KSR1: variants seen among roughly 807,000 people sequenced by gnomAD.
KSR1 encodes kinase suppressor of ras 1, also known as kinase suppressor of ras.
A neutral mutation model predicts 92.9 loss-of-function variants in KSR1; 35 were observed. The ratio of observed to expected loss-of-function variants is 0.38; its 90% CI spans 0.29 to 0.50. KSR1 has a LOEUF of 0.50. Ranked by LOEUF, KSR1 falls within the 20% of genes least tolerant of loss-of-function variation. The pLI, the probability that KSR1 is intolerant of heterozygous loss-of-function variation, is 0.94. For synonymous variants in KSR1, 467 were observed against 472.6 expected, an observed-to-expected ratio of 0.99 and a Z score of 0.15; for missense variants, 972 against 1,158.5, an observed-to-expected ratio of 0.84 and a Z score of 2.34.
intron 16 of KSR1, chr17:27,609,824 T>A: frequency 7.0e-6 from 3 of 429,610 alleles, no homozygotes; most frequent in African/African-American, 2.0e-5. Context: ...CACCAGCAGC[T>A]CCCTGTCAAT....
intron 1 of KSR1, among the ~76,000 whole-genome samples, chr17:27,483,122 A>G (rs551300233): frequency 6.6e-6 from 1 of 151,006 alleles, no homozygotes; most frequent in Non-Finnish European, 1.5e-5. Flanking sequence ...AAAAAAATAG[A>G]TTTTTTTTTT....
At chr17:27,545,692 G>A (rs1052881222) in intron 1 of KSR1, among the ~76,000 whole-genome samples, 3 of 152,236 alleles carry the variant, frequency 2.0e-5, no homozygotes, top group African/African-American at 7.2e-5. Context: ...TGGGCAGGGG[G>A]CTGGAGGGCT....
intron 3 of KSR1, among the ~76,000 whole-genome samples, 168 bp from the exon 4 acceptor site, chr17:27,582,478 G>A (rs770616306): frequency 1.3e-5 from 2 of 152,132 alleles, no homozygotes; most frequent in Non-Finnish European, 2.9e-5. Context: ...TAATGTGTGC[G>A]CATGAGTGAG....
chr17:27,608,341 C>T (rs35685245), intron 15 of KSR1, among the ~76,000 whole-genome samples: 15,513 of 152,088 alleles, frequency 0.1, 1,014 homozygotes, highest in South Asian at 0.2. Flanking sequence ...CAGTTTTCTC[C>T]CCTGTAAAAT....
chr17:27,528,094 C>G (rs2070385824), intron 1 of KSR1, among the ~76,000 whole-genome samples: 1 of 152,136 alleles, frequency 6.6e-6, no homozygotes. Flanking sequence ...GAGATGAAGT[C>G]TCACTCTGTT....
At chr17:27,479,529 A>T (rs1390554975) in intron 1 of KSR1, among the ~76,000 whole-genome samples, 3 of 151,976 alleles carry the variant, frequency 2.0e-5, no homozygotes, top group Non-Finnish European at 4.4e-5. Context: ...CTCCTAGTGC[A>T]GGTGACAGGG....
At chr17:27,525,731 T>A (rs2070232179) in intron 1 of KSR1, among the ~76,000 whole-genome samples, 1 of 152,240 alleles carries the variant, frequency 6.6e-6, no homozygotes, top group Non-Finnish European at 1.5e-5. Context: ...CTGCTTAATC[T>A]TCAGGCAGCT....
rs2074290568 is a variant in KSR1 at position 27,624,056 on chromosome 17, C to T, written c.*664C>T. The stretch of plus-strand genomic sequence containing the variant: ...GCTGCTCCTGCTGGAAAAGTAGAAA[C>T]AGAATCCAAAAAAGGTCTGGACTCA... On this transcript the variant is annotated 3_prime_UTR_variant, in exon 21 of 21. Coordinates refer to ENST00000644974, the MANE Select transcript of KSR1 (RefSeq NM_001394583.1). The T allele has an allele frequency of 6.2e-6, 1 of 160,030 alleles. No individual in the cohort carries two copies. 9.9% of individuals were successfully genotyped at this position (160,030 alleles called of 1,614,324 possible). A position where few individuals can be genotyped will look rare whatever the true frequency, so the allele number is the denominator to read the frequency against.
intron 17 of KSR1, 56 bp downstream of exon 17, chr17:27,610,254 T>TG: frequency 6.2e-7 from 1 of 1,610,112 alleles, no homozygotes; most frequent in Non-Finnish European, 8.5e-7. Flanking sequence ...AGGGCCCTGG[T>TG]GGCCATTGGG....
At chr17:27,498,733 C>T (rs1489069342) in intron 1 of KSR1, among the ~76,000 whole-genome samples, 1 of 152,170 alleles carries the variant, frequency 6.6e-6, no homozygotes, top group East Asian at 1.9e-4. Flanking sequence ...TGGATCCCAC[C>T]CTAGCAAAGC....
At chr17:27,471,389 C>A (rs572852076) in intron 1 of KSR1, among the ~76,000 whole-genome samples, 11 of 152,058 alleles carry the variant, frequency 7.2e-5, no homozygotes, top group Non-Finnish European at 2.9e-5. Context: ...ATGGGGTGAT[C>A]GGGAAAGGCC....
At chr17:27,533,133 G>A (rs944752136) in intron 1 of KSR1, among the ~76,000 whole-genome samples, 11 of 152,184 alleles carry the variant, frequency 7.2e-5, no homozygotes, top group Non-Finnish European at 1.6e-4. Context: ...CTGAGCAGCT[G>A]AACTTCCTGG....
intron 14 of KSR1, among the ~76,000 whole-genome samples, chr17:27,607,182 C>T (rs182492530): frequency 2.6e-5 from 4 of 152,266 alleles, no homozygotes; most frequent in South Asian, 4.1e-4. Flanking sequence ...GTTTAGAATA[C>T]GCTGAAGAAA....
intron 3 of KSR1, among the ~76,000 whole-genome samples, chr17:27,581,155 A>G (rs981352390): frequency 1.2e-4 from 19 of 152,086 alleles, no homozygotes; most frequent in Non-Finnish European, 2.4e-4. Flanking sequence ...GGCGTCCCAC[A>G]GTGTAGGAGC....
In KSR1 at chr17:27,467,305, G is replaced by A. The variant is rs1002084003; in HGVS notation, c.231+10431G>A. Among the ~76,000 whole-genome samples the A allele has an allele frequency of 5.3e-5, 8 of 152,356 alleles. 1 individual carries two copies. In the South Asian group the frequency reaches 1.2e-3, roughly 24 times the overall value. On this transcript the variant is annotated intron_variant, in intron 1 of 20. Coordinates refer to ENST00000644974, the MANE Select transcript of KSR1 (RefSeq NM_001394583.1). ...GTTGCCTTTGTCTAGGCTCTGGGGGGTAGCCCCAAACCCTGGGCCAGGCCA... is the reference window on the plus strand; with the variant it reads ...GTTGCCTTTGTCTAGGCTCTGGGGGATAGCCCCAAACCCTGGGCCAGGCCA...
intron 1 of KSR1, among the ~76,000 whole-genome samples, chr17:27,500,736 G>T (rs2069148006): frequency 6.6e-6 from 1 of 152,204 alleles, no homozygotes; most frequent in Non-Finnish European, 1.5e-5. Context: ...GCAGAGTTAT[G>T]AGAAATAGGA....
intron 12 of KSR1, 124 bp from the exon 13 acceptor site, chr17:27,604,556 T>C: frequency 1.0e-6 from 1 of 964,920 alleles, no homozygotes; most frequent in Non-Finnish European, 1.6e-6. Flanking sequence ...CACGCGGCCT[T>C]TCCCCTAGCC....
chr17:27,620,887 GTTCCCT>G (rs2151274009), intron 19 of KSR1: 1 of 267,924 alleles, frequency 3.7e-6, no homozygotes, highest in African/African-American at 2.2e-5. Context: ...AGATGGGGCT[GTTCCCT>G]GCCCAGCCCC....
chr17:27,535,729 G>A (rs542526729), intron 1 of KSR1, among the ~76,000 whole-genome samples: 14 of 152,344 alleles, frequency 9.2e-5, no homozygotes, highest in African/African-American at 3.4e-4. Flanking sequence ...TCTTTGCTGG[G>A]AGCTCGCAGT....
Sources: allele counts gnomAD v4.1 joint callset (sites outside exome capture counted in the v4.1 genomes callset), GRCh38; gene constraint gnomAD v4.1.1; transcripts MANE v1.5; gene names NCBI Gene and HGNC (gene_info 2026-07-23, HGNC 2026-07-21).